AGBL4: variants seen among roughly 807,000 people sequenced by gnomAD.
AGBL4 encodes the protein AGBL carboxypeptidase 4, also known as cytosolic carboxypeptidase 6.
A neutral mutation model predicts 66.4 loss-of-function variants in AGBL4; 58 were observed. The ratio of observed to expected loss-of-function variants is 0.87; its 90% confidence interval spans 0.71 to 1.09. AGBL4 has a LOEUF of 1.09. AGBL4 is among the 50% of genes least tolerant of loss of function. The probability of loss-of-function intolerance (pLI) is 0.00; values close to 1 mark genes in which losing one functional copy is unlikely to be tolerated. For synonymous variants in AGBL4, 234 were observed against 222.9 expected (o/e 1.05, Z -0.44); for missense variants, 579 against 631.0 (o/e 0.92, Z 0.88).
At chr1:49,458,961 C>T (rs1341863112) in intron 3 of AGBL4, among the ~76,000 whole-genome samples, 2 of 151,718 alleles carry the variant, frequency 1.3e-5, no homozygotes, top group Non-Finnish European at 2.9e-5. Context: ...ATTCAGTTAG[C>T]GAATATTTTG....
chr1:49,754,275 T>A (rs1417356472), intron 2 of AGBL4, among the ~76,000 whole-genome samples: 2 of 149,618 alleles, frequency 1.3e-5, no homozygotes, highest in East Asian at 2.0e-4. Flanking sequence ...TCTTTTTTTT[T>A]TTTATTTTTT....
chr1:49,334,662 A>G (rs1020824883), intron 3 of AGBL4, among the ~76,000 whole-genome samples: 2 of 152,178 alleles, frequency 1.3e-5, no homozygotes, highest in East Asian at 1.9e-4. Context: ...ATGGTCTTCA[A>G]TATTGTATTA....
intron 2 of AGBL4, among the ~76,000 whole-genome samples, chr1:49,776,091 T>C (rs1410068540): frequency 2.0e-5 from 3 of 152,040 alleles, no homozygotes; most frequent in East Asian, 1.9e-4. Flanking sequence ...TGCTGAGTAA[T>C]AGAGTATACG....
chr1:49,815,360 A>G (rs1645205686), intron 2 of AGBL4, among the ~76,000 whole-genome samples: 1 of 152,052 alleles, frequency 6.6e-6, no homozygotes. Flanking sequence ...CATTCTTTTT[A>G]TGGGTGAATA....
In AGBL4 at chr1:48,981,184, C is replaced by T. The variant is rs1367953606; in HGVS notation, c.594+64400G>A. On this transcript the variant is annotated intron_variant, in intron 5 of 13. Coordinates refer to ENST00000371839, the MANE Select transcript of AGBL4 (RefSeq NM_032785.4). ...TCAAGAACATCTGTGTATTTTGTTA[C>T]GAGGCCTGGGCCTTAGTTATCTTCC... 5.3e-5 allele frequency among the ~76,000 whole-genome samples: 8 copies of T among 152,268 alleles called. No homozygotes were observed. In the East Asian group the frequency reaches 1.2e-3, roughly 22 times the overall value.
chr1:49,765,383 C>T (rs1051500723), intron 2 of AGBL4, among the ~76,000 whole-genome samples: 18 of 152,060 alleles, frequency 1.2e-4, no homozygotes, highest in Middle Eastern at 3.4e-3. Context: ...ACATACTCTA[C>T]GGTCACACTC....
chr1:49,136,438 C>T (rs542664909), intron 4 of AGBL4, among the ~76,000 whole-genome samples: 1 of 152,186 alleles, frequency 6.6e-6, no homozygotes, highest in Admixed American at 6.5e-5. Flanking sequence ...TTGTCCACTA[C>T]ATGTTGCTGT....
intron 12 of AGBL4, among the ~76,000 whole-genome samples, 163 bp downstream of exon 12, chr1:48,539,479 A>G (rs1331962235): frequency 1.3e-5 from 2 of 151,612 alleles, no homozygotes; most frequent in Non-Finnish European, 2.9e-5. Flanking sequence ...ATGCTCAGGA[A>G]CTATGCTCTT....
At chr1:49,038,300 A>G (rs1239978669) in intron 5 of AGBL4, among the ~76,000 whole-genome samples, 1 of 152,128 alleles carries the variant, frequency 6.6e-6, no homozygotes, top group Non-Finnish European at 1.5e-5. Context: ...AGCAGACTTG[A>G]AAACTGTCCA....
intron 4 of AGBL4, among the ~76,000 whole-genome samples, chr1:49,134,534 T>C (rs1645969719): frequency 1.4e-5 from 2 of 137,972 alleles, no homozygotes; most frequent in Admixed American, 1.6e-4. Flanking sequence ...TTATTAATAT[T>C]CCTTACTGGG....
intron 11 of AGBL4, among the ~76,000 whole-genome samples, chr1:48,542,559 T>C (rs1459586931): frequency 6.6e-5 from 10 of 152,212 alleles, no homozygotes; most frequent in Admixed American, 5.9e-4. Flanking sequence ...TGGTATTTCA[T>C]TGTGGTTTTG....
chr1:49,758,535 C>T (rs1000988114), intron 2 of AGBL4, among the ~76,000 whole-genome samples: 3 of 152,118 alleles, frequency 2.0e-5, no homozygotes, highest in Admixed American at 1.3e-4. Flanking sequence ...GCATGCCTCA[C>T]ATGTGACATA....
At chr1:48,531,633 C>T (rs1418294097), downstream of AGBL4, among the ~76,000 whole-genome samples, 1 of 152,168 alleles carries the variant, frequency 6.6e-6, no homozygotes, top group African/African-American at 2.4e-5. Flanking sequence ...ATTACCTCTC[C>T]AAATCCAGGA....
intron 6 of AGBL4, among the ~76,000 whole-genome samples, chr1:48,845,125 G>T (rs1380262657): frequency 6.6e-6 from 1 of 152,184 alleles, no homozygotes. Context: ...ATAGTGGGGA[G>T]GGTGGTTGGT....
At chr1:49,074,371 G>T (rs906041584) in intron 4 of AGBL4, among the ~76,000 whole-genome samples, 9 of 152,328 alleles carry the variant, frequency 5.9e-5, no homozygotes, top group Admixed American at 5.9e-4. Flanking sequence ...ACCCTGCCCT[G>T]CTTCGGCTCA....
chr1:49,490,189 T>G (rs1647160047), intron 3 of AGBL4, among the ~76,000 whole-genome samples: 1 of 151,812 alleles, frequency 6.6e-6, no homozygotes, highest in Non-Finnish European at 1.5e-5. Context: ...TAGTTTAGAT[T>G]AATTCTCTTT....
chr1:48,806,518 C>T (rs1279596746), intron 6 of AGBL4, among the ~76,000 whole-genome samples: 1 of 152,192 alleles, frequency 6.6e-6, no homozygotes, highest in Non-Finnish European at 1.5e-5. Flanking sequence ...GTTTCTTCTG[C>T]CCTCAGATAT....
intron 3 of AGBL4, among the ~76,000 whole-genome samples, chr1:49,691,862 C>A (rs982216027): frequency 2.6e-5 from 4 of 152,214 alleles, no homozygotes; most frequent in Non-Finnish European, 4.4e-5. Context: ...ATACTTCATG[C>A]CCTCGAACAT....
rs542343232 is a variant in AGBL4 at position 49,892,400 on chromosome 1, T to C, written c.35-40882A>G. 3.9e-5 allele frequency among the ~76,000 whole-genome samples: 6 copies of C among 152,312 alleles called. No homozygotes were observed. The South Asian group carries it at 1.0e-3, about 26-fold the overall frequency. On this transcript the variant is annotated intron_variant, in intron 1 of 13. Transcript: ENST00000371839. ...CCCACTATTAAACAGTATGGTAAAG[T>C]AGCACCTCCAAATTATTCATTCCTT...
Sources: allele counts gnomAD v4.1 joint callset (sites outside exome capture counted in the v4.1 genomes callset), GRCh38; gene constraint gnomAD v4.1.1; transcripts MANE v1.5; gene names NCBI Gene and HGNC (gene_info 2026-07-23, HGNC 2026-07-21).